The following MYO3B variants were observed in gnomAD, a reference collection of about 807,000 sequenced individuals.
The protein encoded by MYO3B is myosin IIIB.
A neutral mutation model predicts 174.6 loss-of-function variants in MYO3B; 156 were observed. That is an observed-to-expected ratio of 0.89 (90% CI 0.78 to 1.02). The LOEUF is 1.02. MYO3B is among the 50% of genes least tolerant of loss of function. The probability of loss-of-function intolerance (pLI) is 0.00; values close to 1 mark genes in which losing one functional copy is unlikely to be tolerated. For missense variants in MYO3B, 1,632 were observed against 1,639.4 expected (o/e 1.00, Z 0.08); for synonymous variants, 563 against 569.1 (o/e 0.99, Z 0.15).
chr2:170,334,072 C>T (rs779435708), intron 7 of MYO3B: 1 of 152,182 alleles, frequency 6.6e-6, no homozygotes. Flanking sequence ...ATAGTTTTCA[C>T]TTTCAAGTTC....
intron 25 of MYO3B, among the ~76,000 whole-genome samples, chr2:170,494,059 A>G (rs999989971): frequency 6.6e-6 from 1 of 152,236 alleles, no homozygotes. Context: ...AATGATAAAT[A>G]TCTGTTTTTA....
rs1017683429 is a variant in MYO3B at position 170,294,977 on chromosome 2, A to G, written c.750-40408A>G. 5.9e-5 allele frequency among the ~76,000 whole-genome samples: 9 copies of G among 152,212 alleles called. No homozygotes were observed. The South Asian group carries it at 6.2e-4, about 11-fold the overall frequency. On this transcript the variant is annotated intron_variant, in intron 7 of 34. Transcript: ENST00000408978. ...AAGTGTATTAAACATAATTCTCACC[A>G]TGCTGATTGTTAATTAATTCATTTC... is the stretch of plus-strand genomic sequence containing the variant.
At chr2:170,537,448 ATTTTTTTTTTTTTT>A (rs559086883) in intron 30 of MYO3B, among the ~76,000 whole-genome samples, 19,291 of 56,744 alleles carry the variant, frequency 0.34, 1,776 homozygotes, top group South Asian at 0.47. Flanking sequence ...GAGCTCTTTG[ATTTTTTTTTTTTTT>A]TTTTTTTTTT....
At chr2:170,337,886 C>T (rs746896635) in intron 8 of MYO3B, 4 of 152,182 alleles carry the variant, frequency 2.6e-5, no homozygotes, top group Non-Finnish European at 4.4e-5. Flanking sequence ...TAAAGGTCTT[C>T]ATCCTCATCT....
intron 29 of MYO3B, among the ~76,000 whole-genome samples, chr2:170,517,606 A>G (rs1178442122): frequency 6.6e-6 from 1 of 152,214 alleles, no homozygotes; most frequent in Non-Finnish European, 1.5e-5. Context: ...GCCTTTGATC[A>G]GTGGTAGCTC....
intron 6 of MYO3B, among the ~76,000 whole-genome samples, chr2:170,229,505 AT>A (rs1283887725): frequency 6.6e-6 from 1 of 152,256 alleles, no homozygotes; most frequent in East Asian, 1.9e-4. Context: ...TTTTAATGAC[AT>A]TTAAAAATAT....
At chr2:170,638,000 TATTA>T (rs780705130) in intron 32 of MYO3B, among the ~76,000 whole-genome samples, 3 of 152,308 alleles carry the variant, frequency 2.0e-5, no homozygotes, top group South Asian at 2.1e-4. Flanking sequence ...TTTTACATCT[TATTA>T]ATTAAATGCA....
chr2:170,331,003 T>C (rs1307794400), intron 7 of MYO3B, among the ~76,000 whole-genome samples: 1 of 152,218 alleles, frequency 6.6e-6, no homozygotes. Flanking sequence ...ATTTCTGTGC[T>C]GGGCACTATA....
chr2:170,499,701 T>C lies in MYO3B; in HGVS notation c.3182T>C (p.Ile1061Thr), dbSNP rs553982685. The C allele has an allele frequency of 6.8e-6, 11 of 1,614,030 alleles. No individual in the cohort carries two copies. The Admixed American group carries it at 1.5e-4, about 22-fold the overall frequency. ...EQLNLLLREVIGRVVVLQAYT... is the reference protein window; with the variant it reads ...EQLNLLLREVTGRVVVLQAYT... The stretch of plus-strand genomic sequence containing the variant: ...TTAAATTTGCTGCTTCGAGAAGTCA[T>C]AGGCAGAGTGGTTGTGCTGCAGGCA... The change falls in exon 27 of 35, where the codon ATA becomes ACA. Residue 1061 changes from isoleucine to threonine, a missense_variant. By Grantham distance (89) the Ile-to-Thr change is moderately conservative. Transcript: ENST00000408978.
At chr2:170,583,150 A>T (rs772631022) in intron 32 of MYO3B, among the ~76,000 whole-genome samples, 25 of 132,010 alleles carry the variant, frequency 1.9e-4, no homozygotes, top group Non-Finnish European at 2.3e-4. Flanking sequence ...TTATGTGTGT[A>T]ACTACCCCTT....
At chr2:170,370,913 T>C (rs766196209) in intron 9 of MYO3B, among the ~76,000 whole-genome samples, 82 of 152,104 alleles carry the variant, frequency 5.4e-4, no homozygotes, top group Non-Finnish European at 9.1e-4. Flanking sequence ...TTTTTTTCTT[T>C]TTTTTTCAAA....
chr2:170,488,636 G>T (rs1249799067), intron 25 of MYO3B, among the ~76,000 whole-genome samples: 1 of 152,172 alleles, frequency 6.6e-6, no homozygotes, highest in East Asian at 1.9e-4. Context: ...TGAAATAAAA[G>T]AATGTTGGGA....
At chr2:170,498,490 T>G (rs1687021710) in intron 25 of MYO3B, 102 bp from the exon 26 acceptor site, 8 of 746,074 alleles carry the variant, frequency 1.1e-5, no homozygotes, top group Non-Finnish European at 1.8e-5. Context: ...TCGACAAATA[T>G]TTACTATTAA....
chr2:170,266,154 T>A (rs2093381693), intron 7 of MYO3B, among the ~76,000 whole-genome samples: 1 of 152,032 alleles, frequency 6.6e-6, no homozygotes, highest in Non-Finnish European at 1.5e-5. Context: ...TAGATTGACA[T>A]AATGATTATA....
chr2:170,521,553 A>G (rs1688668991), intron 30 of MYO3B, among the ~76,000 whole-genome samples: 2 of 152,004 alleles, frequency 1.3e-5, no homozygotes, highest in Non-Finnish European at 2.9e-5. Context: ...ATCTCTCCTT[A>G]TCTTCGGCTG....
chr2:170,196,662 CA>C (rs2092603611), intron 1 of MYO3B, among the ~76,000 whole-genome samples: 1 of 133,106 alleles, frequency 7.5e-6, no homozygotes. Flanking sequence ...ACTGCCTTTG[CA>C]AAAATTATAT....
intron 7 of MYO3B, among the ~76,000 whole-genome samples, chr2:170,276,758 T>C (rs576484894): frequency 3.2e-4 from 48 of 152,304 alleles, no homozygotes; most frequent in East Asian, 2.5e-3. Context: ...CATTTCCTTT[T>C]GTAGCAGCAA....
At chr2:170,256,031 G>A (rs993074683) in intron 7 of MYO3B, among the ~76,000 whole-genome samples, 1 of 152,192 alleles carries the variant, frequency 6.6e-6, no homozygotes, top group African/African-American at 2.4e-5. Context: ...AGACCAAGCT[G>A]AGAATTTCAG....
chr2:170,643,754 C>T (rs1471245518), intron 32 of MYO3B: 1 of 152,232 alleles, frequency 6.6e-6, no homozygotes, highest in Non-Finnish European at 1.5e-5. Context: ...GGGTCTATGG[C>T]TCTCCCAGGA....
Sources: gnomAD v4.1 joint callset for allele counts (sites outside exome capture counted in the v4.1 genomes callset) on GRCh38, gnomAD v4.1.1 for gene constraint, MANE v1.5 for transcripts, NCBI Gene and HGNC (gene_info 2026-07-23, HGNC 2026-07-21) for gene names.